Variants in UNC45B observed in about 807,000 individuals in gnomAD.
UNC45B encodes protein unc-45 homolog B.
In UNC45B, 78 loss-of-function variants were observed where a neutral mutation model predicts 98.7. The observed-to-expected ratio is 0.79, with a 90% CI of 0.66 to 0.95. The LOEUF is 0.95. UNC45B is among the 40% of genes least tolerant of loss of function. The pLI is 0.00. For synonymous variants in UNC45B, 462 were observed against 480.4 expected (o/e 0.96, Z 0.50); for missense variants, 1,225 against 1,184.9 (o/e 1.03, Z -0.50).
chr17:35,171,855 G>C (rs771594863), intron 13 of UNC45B, among the ~76,000 whole-genome samples: 2 of 152,148 alleles, frequency 1.3e-5, no homozygotes, highest in African/African-American at 4.8e-5. Flanking sequence ...GAGAGGAGAG[G>C]CATGGTCAGC....
In UNC45B at chr17:35,168,291, A is replaced by G. The variant is rs1177274480; in HGVS notation, c.1382A>G (p.Asn461Ser). The G allele has an allele frequency of 4.0e-6, 6 of 1,498,442 alleles. No homozygotes were observed. The highest frequency in any genetic ancestry group is 1.4e-5 in the African/African-American group (1 of 71,030). The allele number at this position is 1,498,442 out of a possible 1,614,324, so 92.8% of individuals were successfully genotyped here. A position where few individuals can be genotyped will look rare whatever the true frequency, so the allele number is the denominator to read the frequency against. Residue 461 changes from asparagine to serine, a missense_variant, in exon 10 of 20, where the codon AAT becomes AGT. Coordinates refer to ENST00000394570, the MANE Select transcript of UNC45B (RefSeq NM_001267052.2). ...AGCCGCGCCACCTTCATCATCACCAATGGAGTGTCACTGCTCAAACAGATC... is the reference window on the plus strand; with the variant it reads ...AGCCGCGCCACCTTCATCATCACCAGTGGAGTGTCACTGCTCAAACAGATC... ...KLSRATFIIT[N>S]GVSLLKQIYK... is the part of the protein sequence containing the mutation.
rs1389934636 is a variant in UNC45B, at chr17:35,150,174, A to G, written c.332A>G (p.Gln111Arg). 6.2e-7 allele frequency: 1 copy of G among 1,613,868 alleles called. No individual in the cohort carries two copies. Among genetic ancestry groups the G allele is most frequent in the East Asian group, 2.2e-5 (1 of 44,844 alleles). ...TGTGCCACCCTCGAGCCACGGAACC[A>G]GAACTTCCAGGAGATGCTGAGGAGA... The part of the protein sequence containing the change: ...QRCATLEPRN[Q>R]NFQEMLRRLN... Residue 111 changes from glutamine to arginine, a missense_variant, in exon 4 of 20, where the codon CAG becomes CGG. Transcript: ENST00000394570.
At chr17:35,148,559 G>C (rs376669487) in intron 2 of UNC45B, 128 bp downstream of exon 2, 1 of 1,135,098 alleles carries the variant, frequency 8.8e-7, no homozygotes, top group African/African-American at 1.6e-5. Context: ...TGGGGTTGGA[G>C]AAGGGTGCCT....
rs148057044 is a variant in UNC45B, at chr17:35,164,132, G to T, written c.1117G>T (p.Asp373Tyr). Residue 373 changes from aspartate to tyrosine, a missense_variant, in exon 9 of 20, where the codon GAT becomes TAT. By Grantham distance (160) the Asp-to-Tyr change is radical. Coordinates refer to ENST00000394570, the MANE Select transcript of UNC45B (RefSeq NM_001267052.2). Reference protein sequence around the residue: ...YDDLRCDPERDHFRKICEEYI... With the variant: ...YDDLRCDPERYHFRKICEEYI... ...TGACCTGCGCTGTGACCCGGAGCGCGATCACTTCCGCAAGATCTGTGAGGA... is the reference window on the plus strand; with the variant it reads ...TGACCTGCGCTGTGACCCGGAGCGCTATCACTTCCGCAAGATCTGTGAGGA... The T allele has an allele frequency of 6.2e-7, 1 of 1,613,302 alleles. No homozygotes were observed. The highest frequency in any genetic ancestry group is 8.5e-7 in the Non-Finnish European group (1 of 1,179,638).
intron 9 of UNC45B, among the ~76,000 whole-genome samples, chr17:35,165,279 T>A (rs2092130926): frequency 6.6e-6 from 1 of 152,236 alleles, no homozygotes; most frequent in African/African-American, 2.4e-5. Context: ...TTTGCAGAGC[T>A]AGACAGGGGT....
chr17:35,165,712 C>T lies in UNC45B; in HGVS notation c.1151+1546C>T, dbSNP rs187737602. ...CAGCACTTTGGGATGCCGAGGAGCG[C>T]GGATCACCTGAGGTCAGGAGTTCAA... On this transcript the variant is annotated intron_variant, in intron 9 of 19. Transcript: ENST00000394570. Among the ~76,000 whole-genome samples the T allele has an allele frequency of 7.9e-3, 1,205 of 152,156 alleles. 9 individuals carry two copies. Among genetic ancestry groups the T allele is most frequent in the Non-Finnish European group, 0.012 (835 of 67,984 alleles).
rs751358001 is a variant in UNC45B at position 35,154,736 on chromosome 17, G to A, written c.634G>A (p.Ala212Thr). Residue 212 changes from alanine to threonine, a missense_variant, in exon 6 of 20, where the codon GCC becomes ACC. Coordinates refer to ENST00000394570, the MANE Select transcript of UNC45B (RefSeq NM_001267052.2). Reference protein sequence around the residue: ...TLSGMCSGHQARATVILHAVR... With the variant: ...TLSGMCSGHQTRATVILHAVR... ...GTCGGGCATGTGCAGCGGCCACCAA[G>A]CCAGAGTAAGTGCCCGGCTGTGGGG... The A allele has an allele frequency of 3.2e-6, 5 of 1,583,752 alleles. No homozygotes were observed. In the South Asian group the frequency reaches 4.6e-5, roughly 15 times the overall value.
At chr17:35,161,187 G>C (rs2092099950) in intron 8 of UNC45B, among the ~76,000 whole-genome samples, 1 of 152,228 alleles carries the variant, frequency 6.6e-6, no homozygotes, top group Non-Finnish European at 1.5e-5. Flanking sequence ...GACAGGTAGA[G>C]AGCAGTATTT....
intron 19 of UNC45B, among the ~76,000 whole-genome samples, chr17:35,184,165 G>A (rs563252115): frequency 1.3e-5 from 2 of 152,334 alleles, no homozygotes; most frequent in South Asian, 4.1e-4. Context: ...GTTCATGTCT[G>A]TTTTAAAGGC....
At position 35,183,584 on chromosome 17, in the gene UNC45B, T is replaced by C; in HGVS notation, c.2529+2T>C. The C allele has an allele frequency of 1.3e-6, 2 of 1,547,416 alleles. No homozygotes were observed. Among genetic ancestry groups the C allele is most frequent in the Non-Finnish European group, 1.7e-6 (2 of 1,145,194 alleles). The stretch of plus-strand genomic sequence containing the variant: ...CTGTGCCTCAAGATGACTCAAGTGG[T>C]AAGAGCTGGCCCTGGGGATAGGACG... On this transcript the variant is annotated splice_donor_variant, in intron 19 of 19. Coordinates refer to ENST00000394570, the MANE Select transcript of UNC45B (RefSeq NM_001267052.2). LOFTEE classifies it high-confidence loss of function.
At chr17:35,155,770 A>T (rs995647022) in intron 7 of UNC45B, among the ~76,000 whole-genome samples, 1 of 152,178 alleles carries the variant, frequency 6.6e-6, no homozygotes, top group Non-Finnish European at 1.5e-5. Flanking sequence ...GGGTTTCTTC[A>T]TGTTGGCCAG....
chr17:35,166,152 C>T (rs1188571164), intron 9 of UNC45B, among the ~76,000 whole-genome samples: 1 of 145,610 alleles, frequency 6.9e-6, no homozygotes, highest in East Asian at 2.0e-4. Context: ...CCTGTAGTCT[C>T]AGCTACTTGG....
chr17:35,163,453 G>A (rs2142552834), intron 8 of UNC45B, among the ~76,000 whole-genome samples: 1 of 152,258 alleles, frequency 6.6e-6, no homozygotes. Flanking sequence ...GAAGAGATGA[G>A]AAGACATCAT....
At chr17:35,177,245 G>T in intron 16 of UNC45B, 115 bp downstream of exon 16, 1 of 989,342 alleles carries the variant, frequency 1.0e-6, no homozygotes, top group Non-Finnish European at 1.5e-6. Flanking sequence ...GCTGTCACAC[G>T]GAGGGTGATG....
chr17:35,177,822 T>C (rs1339517985), intron 17 of UNC45B, among the ~76,000 whole-genome samples: 1 of 151,288 alleles, frequency 6.6e-6, no homozygotes, highest in East Asian at 2.0e-4. Flanking sequence ...TTTTTTTTCT[T>C]TCCTTTTCTT....
In UNC45B at chr17:35,159,388, C is replaced by A. The variant is rs1434830331; in HGVS notation, c.822C>A (p.Asp274Glu). The A allele has an allele frequency of 6.2e-7, 1 of 1,613,322 alleles. No homozygotes were observed. The highest frequency in any genetic ancestry group is 8.5e-7 in the Non-Finnish European group (1 of 1,179,576). The change falls in exon 8 of 20, where the codon GAC becomes GAA. Residue 274 changes from aspartate to glutamate, a missense_variant. Physicochemically the swap from Asp to Glu is conservative, Grantham distance 45. Transcript: ENST00000394570. ...EEALVLDTKK[D>E]LKQITSHLLD... is the part of the protein sequence containing the mutation. ...CTTTTTCTTCAGACACCAAGAAGGA[C>A]CTGAAGCAGATCACCAGCCACCTGC... is the stretch of plus-strand genomic sequence containing the variant.
intron 8 of UNC45B, among the ~76,000 whole-genome samples, chr17:35,163,439 A>G (rs575592015): frequency 6.0e-4 from 92 of 152,330 alleles, no homozygotes; most frequent in Admixed American, 1.8e-3. Flanking sequence ...AAGATTTTTC[A>G]ACAGAAGAGA....
intron 7 of UNC45B, among the ~76,000 whole-genome samples, chr17:35,158,614 T>G (rs2092080186): frequency 6.6e-6 from 1 of 152,212 alleles, no homozygotes; most frequent in Admixed American, 6.5e-5. Context: ...CTCTATCCCC[T>G]TGTAGCTTCC....
rs2142568150 is a variant in UNC45B at position 35,170,128 on chromosome 17, T to C, written c.1562T>C (p.Met521Thr). 6.2e-7 allele frequency: 1 copy of C among 1,610,674 alleles called. No individual in the cohort carries two copies. Among genetic ancestry groups the C allele is most frequent in the South Asian group, 1.1e-5 (1 of 90,842 alleles). ...CTCACTTCCAGGTGGCTGTGCAATA[T>C]GTCCATAGACACTCGGACCCGACGC... The part of the protein sequence containing the change: ...AKQCRKWLCN[M>T]SIDTRTRRWA... Residue 521 changes from methionine to threonine, a missense_variant, in exon 12 of 20, where the codon ATG becomes ACG. Met to Thr is a moderately conservative substitution (Grantham distance 81). Transcript: ENST00000394570.
Sources: gnomAD v4.1 joint callset for allele counts (sites outside exome capture counted in the v4.1 genomes callset) on GRCh38, gnomAD v4.1.1 for gene constraint, MANE v1.5 for transcripts, NCBI Gene and HGNC (gene_info 2026-07-23, HGNC 2026-07-21) for gene names.